RAPGEF2: variants seen among roughly 807,000 people sequenced by gnomAD.
The protein encoded by RAPGEF2 is Rap guanine nucleotide exchange factor 2.
RAPGEF2 carries 54 observed loss-of-function variants against 186.7 expected under a neutral mutation model. That is an observed-to-expected ratio of 0.29 (90% CI 0.23 to 0.36). RAPGEF2 has a LOEUF of 0.36. Among genes scored for constraint, RAPGEF2 ranks in the 10% least tolerant of loss-of-function variants. The pLI is 1.00. For synonymous variants in RAPGEF2, 712 were observed against 705.9 expected (o/e 1.01, Z -0.14); for missense variants, 1,532 against 2,045.0 (o/e 0.75, Z 4.84).
chr4:159,306,446 A>G lies in RAPGEF2; in HGVS notation c.675+1973A>G, dbSNP rs147889575. On this transcript the variant is annotated intron_variant, in intron 8 of 29. Coordinates refer to ENST00000691494, the MANE Select transcript of RAPGEF2 (RefSeq NM_001394067.2). ...TTCTCAGCTAGATTGTTATTGTTGTATAGAAATGCTACTGATTTGTGCATA... is the reference window on the plus strand; with the variant it reads ...TTCTCAGCTAGATTGTTATTGTTGTGTAGAAATGCTACTGATTTGTGCATA... Among the ~76,000 whole-genome samples, 743 of 152,252 alleles carry G rather than the reference A, an allele frequency of 4.9e-3. 11 individuals carry two copies. The highest frequency in any genetic ancestry group is 0.017 in the African/African-American group (708 of 41,560).
At chr4:159,231,735 T>C (rs1752667781) in intron 4 of RAPGEF2, among the ~76,000 whole-genome samples, 1 of 152,166 alleles carries the variant, frequency 6.6e-6, no homozygotes, top group South Asian at 2.1e-4. Context: ...CATTTTGGAT[T>C]TCATATTTCC....
intron 1 of RAPGEF2, among the ~76,000 whole-genome samples, chr4:159,128,186 TA>T (rs1302415344): frequency 6.6e-6 from 1 of 152,208 alleles, no homozygotes; most frequent in Admixed American, 6.5e-5. Flanking sequence ...CTGAGACTAA[TA>T]ATGTCTTAAC....
At chr4:159,194,901 AGT>A (rs1260976396) in intron 3 of RAPGEF2, among the ~76,000 whole-genome samples, 4 of 152,196 alleles carry the variant, frequency 2.6e-5, no homozygotes, top group African/African-American at 7.2e-5. Context: ...AGATAGATTG[AGT>A]GTCTGGACAA....
In RAPGEF2 at chr4:159,214,449, C is replaced by CT. The variant is rs374884983; in HGVS notation, c.281+3869dup. Among the ~76,000 whole-genome samples, 241 of 152,220 alleles carry CT rather than the reference C, an allele frequency of 1.6e-3. 1 individual carries two copies. The highest frequency in any genetic ancestry group is 5.4e-3 in the African/African-American group (223 of 41,544). ...ATTTAGAAATGGTTTTCTAATGTAC[C>CT]TTTGCTTTATGCTATTGTACCTAAT... On this transcript the variant is annotated intron_variant, in intron 4 of 29. Transcript: ENST00000691494.
intron 7 of RAPGEF2, among the ~76,000 whole-genome samples, chr4:159,279,024 C>A (rs563075358): frequency 6.6e-6 from 1 of 152,234 alleles, no homozygotes; most frequent in South Asian, 2.1e-4. Context: ...CCATCCCCTA[C>A]GGTTCCATAC....
rs931923982 is a variant in RAPGEF2, at chr4:159,330,412, T to C, written c.1381T>C (p.Leu461=). Reference sequence around the variant, plus strand: ...TCCAACATTCATAGAAGACTTTCTGTTGACCTATAGGACTTTTCTTTCTAG... The same window carrying C: ...TCCAACATTCATAGAAGACTTTCTGCTGACCTATAGGACTTTTCTTTCTAG... ...VDPTFIEDFL[L]TYRTFLSSPM... is the part of the protein sequence containing the mutation. The change falls in exon 13 of 30, where the codon TTG becomes CTG. Residue 461 remains leucine (L), a synonymous_variant. Transcript: ENST00000691494. 2.5e-6 allele frequency: 4 copies of C among 1,608,126 alleles called. No individual in the cohort carries two copies. The highest frequency in any genetic ancestry group is 3.4e-6 in the Non-Finnish European group (4 of 1,178,388).
intron 4 of RAPGEF2, among the ~76,000 whole-genome samples, chr4:159,223,016 A>G (rs988728813): frequency 6.6e-6 from 1 of 151,950 alleles, no homozygotes; most frequent in Non-Finnish European, 1.5e-5. Flanking sequence ...TTTTCCATGT[A>G]TTGTAAGCTG....
chr4:159,272,337 T>G (rs1212894406), intron 7 of RAPGEF2, among the ~76,000 whole-genome samples: 1 of 152,220 alleles, frequency 6.6e-6, no homozygotes, highest in Non-Finnish European at 1.5e-5. Context: ...ATTCTTTCCC[T>G]TATAAACATA....
intron 2 of RAPGEF2, among the ~76,000 whole-genome samples, chr4:159,191,439 T>G (rs1015644163): frequency 5.9e-5 from 9 of 151,764 alleles, no homozygotes; most frequent in Admixed American, 1.3e-4. Context: ...AAAATAGAGA[T>G]AGAATATATA....
intron 7 of RAPGEF2, among the ~76,000 whole-genome samples, chr4:159,295,754 T>TGTGTGCGCGC (rs1386754001): frequency 7.0e-5 from 8 of 113,932 alleles, no homozygotes; most frequent in Non-Finnish European, 1.2e-4. Context: ...TGTGTGTGTG[T>TGTGTGCGCGC]GCGCGCGCGC....
Position 159,304,459 on chromosome 4 carries a change from T to C in RAPGEF2, c.661T>C (p.Ser221Pro). ...ITSDSGSSSL[S>P]DIYQATESEA... ...TAGTGATTCTGGGAGCAGCAGTCTT[T>C]CTGATATCTACCAGGTAAGAGGATG... Residue 221 changes from serine to proline, a missense_variant, in exon 8 of 30, where the codon TCT becomes CCT. Physicochemically the swap from Ser to Pro is moderately conservative, Grantham distance 74. Coordinates refer to ENST00000691494, the MANE Select transcript of RAPGEF2 (RefSeq NM_001394067.2). 6.2e-7 allele frequency: 1 copy of C among 1,605,776 alleles called. No individual in the cohort carries two copies. The highest frequency in any genetic ancestry group is 8.5e-7 in the Non-Finnish European group (1 of 1,173,180).
At chr4:159,290,659 T>C (rs138331368) in intron 7 of RAPGEF2, among the ~76,000 whole-genome samples, 39 of 152,232 alleles carry the variant, frequency 2.6e-4, no homozygotes, top group African/African-American at 8.4e-4. Flanking sequence ...TGCTGGAGCA[T>C]TGGCAGAAGT....
chr4:159,148,982 A>G (rs1743237744), intron 1 of RAPGEF2, among the ~76,000 whole-genome samples: 1 of 152,202 alleles, frequency 6.6e-6, no homozygotes, highest in Non-Finnish European at 1.5e-5. Context: ...GTTTACTGCA[A>G]GCATTTTTTG....
intron 23 of RAPGEF2, among the ~76,000 whole-genome samples, chr4:159,344,333 T>C (rs556515896): frequency 6.6e-6 from 1 of 152,204 alleles, no homozygotes; most frequent in Non-Finnish European, 1.5e-5. Context: ...AAATTTTATT[T>C]TCATATAATT....
At chr4:159,355,055 T>G (rs1004953974) in intron 28 of RAPGEF2, among the ~76,000 whole-genome samples, 11 of 152,210 alleles carry the variant, frequency 7.2e-5, no homozygotes, top group Non-Finnish European at 1.6e-4. Flanking sequence ...GAGAAAACAG[T>G]TAATAAATAT....
rs1732475109 is a variant in RAPGEF2, at chr4:159,359,364, C to A, written c.*1225C>A. 1 of 152,090 alleles carries A rather than the reference C, an allele frequency of 6.6e-6. No homozygotes were observed. The highest frequency in any genetic ancestry group is 1.5e-5 in the Non-Finnish European group (1 of 68,020). The allele number at this position is 152,090 out of a possible 1,614,324, so 9.4% of individuals were successfully genotyped here. On this transcript the variant is annotated 3_prime_UTR_variant, in exon 30 of 30. Transcript: ENST00000691494. ...CAGCCTTTGCAAGGCAGGTTAGTCACCAAAGACTAACCTCCAAGTGGCTTT... is the reference window on the plus strand; with the variant it reads ...CAGCCTTTGCAAGGCAGGTTAGTCAACAAAGACTAACCTCCAAGTGGCTTT...
At chr4:159,285,085 A>T (rs568520492) in intron 7 of RAPGEF2, among the ~76,000 whole-genome samples, 1 of 152,200 alleles carries the variant, frequency 6.6e-6, no homozygotes, top group Non-Finnish European at 1.5e-5. Flanking sequence ...TTGACTGGAG[A>T]TTTTTTCCAC....
rs1449142298 is a variant in RAPGEF2, at chr4:159,255,360, T to G, written c.543+11569T>G. Among the ~76,000 whole-genome samples the G allele has an allele frequency of 3.3e-5, 5 of 152,174 alleles. No individual in the cohort carries two copies. The South Asian group carries it at 8.3e-4, about 25-fold the overall frequency. On this transcript the variant is annotated intron_variant, in intron 7 of 29. Transcript: ENST00000691494. The stretch of plus-strand genomic sequence containing the variant: ...TTGCTCTATTTTGAATATATAGTTT[T>G]TTTTTTTTTAACTGGTGCCTTTGTG...
At chr4:159,130,907 A>C (rs1740977857) in intron 1 of RAPGEF2, among the ~76,000 whole-genome samples, 1 of 152,062 alleles carries the variant, frequency 6.6e-6, no homozygotes, top group Non-Finnish European at 1.5e-5. Flanking sequence ...ACGGGGTTTC[A>C]CCATGTTGCC....
Sources: allele counts gnomAD v4.1 joint callset (sites outside exome capture counted in the v4.1 genomes callset), GRCh38; gene constraint gnomAD v4.1.1; transcripts MANE v1.5; gene names NCBI Gene and HGNC (gene_info 2026-07-23, HGNC 2026-07-21).